DNAH2: variants seen among roughly 807,000 people sequenced by gnomAD.
DNAH2 encodes the protein dynein axonemal heavy chain 2.
In DNAH2, 323 loss-of-function variants were observed where a neutral mutation model predicts 523.5. That is an observed-to-expected ratio of 0.62 (90% confidence interval 0.56 to 0.68). The LOEUF is 0.68. Ranked by LOEUF, DNAH2 falls within the 30% of genes least tolerant of loss-of-function variation. The pLI, the probability that DNAH2 is intolerant of heterozygous loss-of-function variation, is 0.00. For synonymous variants in DNAH2, 2,093 were observed against 2,177.4 expected (o/e 0.96, Z 1.08); for missense variants, 4,907 against 5,701.5 (o/e 0.86, Z 4.49).
At chr17:7,739,192 G>A (rs372173127) in intron 8 of DNAH2, among the ~76,000 whole-genome samples, 1 of 152,162 alleles carries the variant, frequency 6.6e-6, no homozygotes, top group Non-Finnish European at 1.5e-5. Context: ...GATCACCTGC[G>A]ATCAGCAGTT....
At chr17:7,736,773 G>A (rs2075154371) in intron 7 of DNAH2, among the ~76,000 whole-genome samples, 1 of 152,134 alleles carries the variant, frequency 6.6e-6, no homozygotes. Flanking sequence ...CTCAAAGTCA[G>A]GAGTTCGAGA....
chr17:7,811,555 G>C lies in DNAH2; in HGVS notation c.9729+3969G>C, dbSNP rs866838185. ...ACAGAAATTGATATCTTACAGTTCC[G>C]AAGGCTGGAAAGTCTAAAATCAAGG... On this transcript the variant is annotated intron_variant, in intron 63 of 85. Coordinates refer to ENST00000572933, the MANE Select transcript of DNAH2 (RefSeq NM_020877.5). 3.3e-5 allele frequency among the ~76,000 whole-genome samples: 5 copies of C among 152,074 alleles called. No homozygotes were observed. In the East Asian group the frequency reaches 9.6e-4, roughly 29 times the overall value.
intron 63 of DNAH2, among the ~76,000 whole-genome samples, chr17:7,814,898 C>A (rs2077616976): frequency 1.3e-5 from 2 of 152,210 alleles, no homozygotes; most frequent in South Asian, 4.1e-4. Context: ...AGAAGTCTGG[C>A]TGTGGGAAAG....
intron 56 of DNAH2, 123 bp downstream of exon 56, chr17:7,799,365 A>C: frequency 7.3e-7 from 1 of 1,370,622 alleles, no homozygotes; most frequent in Non-Finnish European, 9.9e-7. Context: ...CGCCTCACCC[A>C]TCTCCTTTCC....
At position 7,817,852 on chromosome 17, in the gene DNAH2, G is replaced by A. The variant is rs1049753089; in HGVS notation, c.10232G>A (p.Gly3411Asp). Residue 3411 changes from glycine to aspartate, a missense_variant, in exon 67 of 86, where the codon GGC becomes GAC. Gly to Asp is a moderately conservative substitution (Grantham distance 94). Around this residue, in one of 3 missense-constraint regions of DNAH2, gnomAD observed 1,851 missense variants for 2,139.4 expected, o/e 0.87. Coordinates refer to ENST00000572933, the MANE Select transcript of DNAH2 (RefSeq NM_020877.5). ...AAATGGATTAAGAACATGGAAGGAG[G>A]CCAGGTGTGAGGCTGGGGGGTCAGG... ...ALKWIKNMEG[G>D]QGLKIIDLQM... 11 of 1,613,622 alleles carry A rather than the reference G, an allele frequency of 6.8e-6. No individual in the cohort carries two copies. Among genetic ancestry groups the A allele is most frequent in the East Asian group, 2.2e-5 (1 of 44,812 alleles).
chr17:7,771,062 C>A lies in DNAH2; in HGVS notation c.4362+129C>A. ...AAGTCACTCTTCATCTAGGACCCAGCTGTCTGATTCTTAGTTATTACCTCT... is the reference window on the plus strand; with the variant it reads ...AAGTCACTCTTCATCTAGGACCCAGATGTCTGATTCTTAGTTATTACCTCT... On this transcript the variant is annotated intron_variant, in intron 27 of 85. Transcript: ENST00000572933. 3 of 1,085,054 alleles carry A rather than the reference C, an allele frequency of 2.8e-6. No homozygotes were observed. In the South Asian group the frequency reaches 4.9e-5, roughly 18 times the overall value. 67.2% of individuals were successfully genotyped at this position (1,085,054 alleles called of 1,614,324 possible).
In DNAH2 at chr17:7,796,621, A is replaced by AT; in HGVS notation, c.7834dup (p.Tyr2612LeufsTer17). 6.2e-7 allele frequency: 1 copy of AT among 1,612,844 alleles called. No homozygotes were observed. On this transcript the variant is annotated frameshift_variant, in exon 50 of 86. Coordinates refer to ENST00000572933, the MANE Select transcript of DNAH2 (RefSeq NM_020877.5). LOFTEE classifies it high-confidence loss of function. ...TTCCTGCCCACGCCCACCAAGATGCATTACCTCTTCAACCTTCGAGACATC... is the reference window on the plus strand; with the variant it reads ...TTCCTGCCCACGCCCACCAAGATGCATTTACCTCTTCAACCTTCGAGACATC...
At position 7,831,396 on chromosome 17, in the gene DNAH2, G is replaced by C; in HGVS notation, c.12466G>C (p.Glu4156Gln). 1.2e-6 allele frequency: 2 copies of C among 1,614,158 alleles called. No individual in the cohort carries two copies. The highest frequency in any genetic ancestry group is 1.7e-6 in the Non-Finnish European group (2 of 1,180,040). Residue 4156 changes from glutamate to glutamine, a missense_variant, in exon 81 of 86, where the codon GAG becomes CAG. Transcript: ENST00000572933. This position sits in a 1 kb window ranked among gnomAD's most constrained non-coding sequence, Gnocchi z 4.2. ...AGAGCTCCTGCCTGCTCAGGTCCTT[G>C]AGTTGGCCGCTGATGTGAAGCAGAA... ...GGQTREEKVL[E>Q]LAADVKQKIP...
chr17:7,761,053 C>T lies in DNAH2; in HGVS notation c.2978+121C>T, dbSNP rs1456461527. The T allele has an allele frequency of 7.1e-6, 9 of 1,264,770 alleles. No homozygotes were observed. In the East Asian group the frequency reaches 1.6e-4, roughly 23 times the overall value. 78.3% of individuals were successfully genotyped at this position (1,264,770 alleles called of 1,614,324 possible). On this transcript the variant is annotated intron_variant, in intron 18 of 85. Coordinates refer to ENST00000572933, the MANE Select transcript of DNAH2 (RefSeq NM_020877.5). ...TGAGGATGACATGTGTCCTCAATGA[C>T]AGGAAAAGAACAGGACCTAGGACAT...
intron 8 of DNAH2, 61 bp downstream of exon 8, chr17:7,737,319 A>G: frequency 6.5e-7 from 1 of 1,542,542 alleles, no homozygotes; most frequent in South Asian, 1.1e-5. Context: ...TTTCTGAAGC[A>G]GGGGGAATGC....
Position 7,792,690 on chromosome 17 carries a change from C to A in DNAH2, c.7179C>A (p.Val2393=). The part of the protein sequence containing the change: ...APFYKIMVPT[V]DTVRYNYLVS... The stretch of plus-strand genomic sequence containing the variant: ...TCTATAAGATCATGGTGCCCACCGT[C>A]GACACTGTTCGCTACAACTACCTGG... The change falls in exon 47 of 86, where the codon GTC becomes GTA. Residue 2393 remains valine (V), a synonymous_variant. Coordinates refer to ENST00000572933, the MANE Select transcript of DNAH2 (RefSeq NM_020877.5). 1 of 1,614,138 alleles carries A rather than the reference C, an allele frequency of 6.2e-7. No homozygotes were observed. Among genetic ancestry groups the A allele is most frequent in the Non-Finnish European group, 8.5e-7 (1 of 1,180,004 alleles).
chr17:7,748,657 G>A (rs1025917182), intron 12 of DNAH2, among the ~76,000 whole-genome samples: 1 of 151,966 alleles, frequency 6.6e-6, no homozygotes, highest in Non-Finnish European at 1.5e-5. Context: ...ACCATGCCCA[G>A]CTAATTTTTT....
Position 7,792,256 on chromosome 17 carries a change from C to T in DNAH2, c.7058C>T (p.Thr2353Met), listed in dbSNP as rs145304537. ...TGACCTACATGCCCTCCTTAGGACA[C>T]GGTATATGAGTATTTTGTGGACCCC... is the stretch of plus-strand genomic sequence containing the variant. ...EIEGSFPNKD[T>M]VYEYFVDPKI... is the part of the protein sequence containing the mutation. The change falls in exon 46 of 86, where the codon ACG becomes ATG. Residue 2353 changes from threonine (T) to methionine (M), a missense_variant. Physicochemically the swap from Thr to Met is moderately conservative, Grantham distance 81. Around this residue, in one of 3 missense-constraint regions of DNAH2, gnomAD observed 2,806 missense variants for 3,190.8 expected, o/e 0.88. Coordinates refer to ENST00000572933, the MANE Select transcript of DNAH2 (RefSeq NM_020877.5). 29 of 1,613,762 alleles carry T rather than the reference C, an allele frequency of 1.8e-5. No homozygotes were observed. The highest frequency in any genetic ancestry group is 1.5e-4 in the African/African-American group (11 of 74,820).
chr17:7,787,760 T>G, intron 42 of DNAH2, 100 bp from the exon 43 acceptor site: 1 of 752,128 alleles, frequency 1.3e-6, no homozygotes. Context: ...AAAAAGCAAA[T>G]CGTTTGTGAA....
chr17:7,785,462 AAC>A (rs1474945589), intron 39 of DNAH2, among the ~76,000 whole-genome samples: 1 of 152,184 alleles, frequency 6.6e-6, no homozygotes. Context: ...TAGGACACTA[AAC>A]ACATGTGCAC....
intron 56 of DNAH2, 44 bp from the exon 57 acceptor site, chr17:7,801,534 G>A: frequency 1.2e-6 from 2 of 1,610,942 alleles, no homozygotes; most frequent in South Asian, 1.1e-5. Context: ...CCTGGAGGCT[G>A]TGTCTGTGCA....
chr17:7,734,346 G>A (rs2075079408), intron 6 of DNAH2, 53 bp downstream of exon 6: 8 of 1,604,670 alleles, frequency 5.0e-6, no homozygotes, highest in Middle Eastern at 1.7e-4. Flanking sequence ...GAGAGGGAAA[G>A]GGGAGGCTCG....
chr17:7,833,730 C>A lies in DNAH2; in HGVS notation c.*197C>A. The A allele has an allele frequency of 1.3e-6, 1 of 752,854 alleles. No individual in the cohort carries two copies. Among genetic ancestry groups the A allele is most frequent in the Non-Finnish European group, 2.3e-6 (1 of 435,802 alleles). The allele number at this position is 752,854 out of a possible 1,614,324, so 46.6% of individuals were successfully genotyped here. A position where few individuals can be genotyped will look rare whatever the true frequency, so the allele number is the denominator to read the frequency against. The stretch of plus-strand genomic sequence containing the variant: ...TATTGGAGCTCAGTGCTGTAAAACA[C>A]CCGCGACAACAAGCCTTAAGTCTCT... On this transcript the variant is annotated 3_prime_UTR_variant, in exon 86 of 86. Transcript: ENST00000572933.
rs763141378 is a variant in DNAH2 at position 7,824,521 on chromosome 17, T to G, written c.11663-16T>G. ...CTTAGGAAATGATTCCCACTGACCC[T>G]GGCATCTCCTTGCAGGACACTGGGT... On this transcript the variant is annotated splice_polypyrimidine_tract_variant and intron_variant, in intron 76 of 85. Coordinates refer to ENST00000572933, the MANE Select transcript of DNAH2 (RefSeq NM_020877.5). 9.8e-6 allele frequency: 15 copies of G among 1,528,596 alleles called. No individual in the cohort carries two copies. Among genetic ancestry groups the G allele is most frequent in the Admixed American group, 1.9e-5 (1 of 52,854 alleles). 94.7% of individuals were successfully genotyped at this position (1,528,596 alleles called of 1,614,324 possible).
Sources: gnomAD v4.1 joint callset for allele counts (sites outside exome capture counted in the v4.1 genomes callset) on GRCh38, gnomAD v4.1.1 for gene constraint, gnomAD v4.1.1 regional missense constraint, Gnocchi (gnomAD v3.1) non-coding constraint, MANE v1.5 for transcripts, NCBI Gene and HGNC (gene_info 2026-07-23, HGNC 2026-07-21) for gene names.